Variants in MBD5 observed in about 807,000 individuals in gnomAD.
The protein encoded by MBD5 is methyl-CpG-binding domain protein 5.
A neutral mutation model predicts 117.3 loss-of-function variants in MBD5; 13 were observed. That is an observed-to-expected ratio of 0.11 (90% CI 0.07 to 0.18). The LOEUF (loss-of-function observed/expected upper bound fraction) is 0.18, where lower values mean the gene tolerates loss of function less well. MBD5 is among the 10% of genes least tolerant of loss of function. The pLI, the probability that MBD5 is intolerant of heterozygous loss-of-function variation, is 1.00. For synonymous variants in MBD5, 727 were observed against 766.4 expected (o/e 0.95, Z 0.85); for missense variants, 1,879 against 2,093.8 (o/e 0.90, Z 2.00).
chr2:148,107,990 A>G (rs928370229), intron 1 of MBD5, among the ~76,000 whole-genome samples: 9 of 152,170 alleles, frequency 5.9e-5, no homozygotes, highest in Non-Finnish European at 1.2e-4. Context: ...TTTGTGGATC[A>G]AATGAGTAGT....
chr2:148,417,451 T>G (rs1356170636), intron 4 of MBD5, among the ~76,000 whole-genome samples: 3 of 152,110 alleles, frequency 2.0e-5, no homozygotes, highest in Non-Finnish European at 4.4e-5. Flanking sequence ...TATAATGATT[T>G]ATTTTACTTT....
At chr2:148,441,867 T>C (rs1706335873) in intron 4 of MBD5, among the ~76,000 whole-genome samples, 3 of 152,096 alleles carry the variant, frequency 2.0e-5, no homozygotes, top group African/African-American at 7.2e-5. Flanking sequence ...TGATGATGAG[T>C]ATTTTTTCAT....
chr2:148,508,346 A>G (rs1384677866), intron 12 of MBD5, among the ~76,000 whole-genome samples: 8 of 152,212 alleles, frequency 5.3e-5, no homozygotes, highest in Non-Finnish European at 8.8e-5. Context: ...GATGGTATTT[A>G]AAACAGTTAT....
rs114161935 is a variant in MBD5 at position 148,439,778 on chromosome 2, C to T, written c.-556-18425C>T. Among the ~76,000 whole-genome samples, 821 of 145,882 alleles carry T rather than the reference C, an allele frequency of 5.6e-3. 8 individuals carry two copies. Among genetic ancestry groups the T allele is most frequent in the African/African-American group, 0.02 (795 of 39,020 alleles). On this transcript the variant is annotated intron_variant, in intron 4 of 13. Coordinates refer to ENST00000642680, the MANE Select transcript of MBD5 (RefSeq NM_001378120.1). ...TTTTAGAGATGCAGTTTAGCCCTGTCGCCCAACTGAAGTGCAGTGGTATGA... is the reference window on the plus strand; with the variant it reads ...TTTTAGAGATGCAGTTTAGCCCTGTTGCCCAACTGAAGTGCAGTGGTATGA...
rs1213218980 is a variant in MBD5 at position 148,152,292 on chromosome 2, G to C, written c.-924-26408G>C. On this transcript the variant is annotated intron_variant, in intron 1 of 13. Coordinates refer to ENST00000642680, the MANE Select transcript of MBD5 (RefSeq NM_001378120.1). ...TCCTGAGTTCTAGTTTGATTGCACT[G>C]TGGTCTGAGAGATAGTTTGTTATAA... Among the ~76,000 whole-genome samples the C allele has an allele frequency of 2.0e-5, 3 of 152,108 alleles. No individual in the cohort carries two copies. In the East Asian group the frequency reaches 5.8e-4, roughly 29 times the overall value.
At position 148,513,688 on chromosome 2, in the gene MBD5, TC is replaced by T. The variant is rs1387636296; in HGVS notation, c.*748del. The T allele has an allele frequency of 1.3e-5, 2 of 152,200 alleles. No individual in the cohort carries two copies. Among genetic ancestry groups the T allele is most frequent in the Non-Finnish European group, 2.9e-5 (2 of 68,034 alleles). 9.4% of individuals were successfully genotyped at this position (152,200 alleles called of 1,614,324 possible). On this transcript the variant is annotated 3_prime_UTR_variant, in exon 14 of 14. Transcript: ENST00000642680. ...GGGCTCACAGGTCTAAATTAAGAAT[TC>T]AGAAACTGCAACCATTTGTTGCATA...
At chr2:148,392,422 G>A (rs1704593770) in intron 4 of MBD5, among the ~76,000 whole-genome samples, 2 of 152,112 alleles carry the variant, frequency 1.3e-5, no homozygotes, top group South Asian at 4.1e-4. Context: ...ATGCCAAAAT[G>A]CTACCCTAGT....
intron 3 of MBD5, among the ~76,000 whole-genome samples, chr2:148,267,157 C>A (rs1700878136): frequency 6.6e-6 from 1 of 152,042 alleles, no homozygotes; most frequent in African/African-American, 2.4e-5. Context: ...CAGGCTTTGA[C>A]ATCTATCCGT....
intron 11 of MBD5, 105 bp downstream of exon 11, chr2:148,490,699 C>T: frequency 7.1e-7 from 1 of 1,401,704 alleles, no homozygotes; most frequent in Non-Finnish European, 9.9e-7. Context: ...AATTAGGATT[C>T]TTCATGACTC....
chr2:148,118,121 C>T (rs1324940084), intron 1 of MBD5, among the ~76,000 whole-genome samples: 2 of 151,774 alleles, frequency 1.3e-5, no homozygotes, highest in African/African-American at 2.4e-5. Flanking sequence ...CAGTGCCAAG[C>T]TCATAGTTGG....
intron 2 of MBD5, among the ~76,000 whole-genome samples, chr2:148,184,902 C>T (rs1185342546): frequency 1.3e-5 from 2 of 152,158 alleles, no homozygotes; most frequent in African/African-American, 4.8e-5. Flanking sequence ...ACCATCTCTC[C>T]GCTTCTCCCT....
chr2:148,148,134 A>G (rs970719051), intron 1 of MBD5, among the ~76,000 whole-genome samples: 9 of 152,250 alleles, frequency 5.9e-5, no homozygotes, highest in South Asian at 2.1e-4. Context: ...GTAGGTAGCA[A>G]TGGTTACATA....
chr2:148,172,140 G>T (rs547826867), intron 1 of MBD5, among the ~76,000 whole-genome samples: 1 of 152,328 alleles, frequency 6.6e-6, no homozygotes, highest in African/African-American at 2.4e-5. Flanking sequence ...CAGCTGCAGG[G>T]GGGGAGGTGC....
rs191896111 is a variant in MBD5 at position 148,516,179 on chromosome 2, A to G, written c.*3238A>G. On this transcript the variant is annotated 3_prime_UTR_variant, in exon 14 of 14. Coordinates refer to ENST00000642680, the MANE Select transcript of MBD5 (RefSeq NM_001378120.1). Reference sequence around the variant, plus strand: ...GAAGATTCTTATATCCTACGAGGTGACTCATGTTTCATTTTAGACCATGAT... The same window carrying G: ...GAAGATTCTTATATCCTACGAGGTGGCTCATGTTTCATTTTAGACCATGAT... The G allele has an allele frequency of 6.6e-6, 1 of 152,272 alleles. No homozygotes were observed. Among genetic ancestry groups the G allele is most frequent in the East Asian group, 1.9e-4 (1 of 5,186 alleles). The allele number at this position is 152,272 out of a possible 1,614,324, so 9.4% of individuals were successfully genotyped here. A position where few individuals can be genotyped will look rare whatever the true frequency, so the allele number is the denominator to read the frequency against.
At chr2:148,059,137 G>A (rs1177870676) in intron 1 of MBD5, among the ~76,000 whole-genome samples, 6 of 152,074 alleles carry the variant, frequency 3.9e-5, no homozygotes, top group Non-Finnish European at 5.9e-5. Context: ...TGTATAAATT[G>A]TTTATTGTGA....
intron 4 of MBD5, among the ~76,000 whole-genome samples, chr2:148,403,111 TA>T (rs1704972054): frequency 6.6e-6 from 1 of 152,166 alleles, no homozygotes; most frequent in Non-Finnish European, 1.5e-5. Context: ...TGGCTCTTTT[TA>T]AAAATAGCTT....
chr2:148,440,378 C>A (rs1048183178), intron 4 of MBD5, among the ~76,000 whole-genome samples: 6 of 152,148 alleles, frequency 3.9e-5, no homozygotes, highest in African/African-American at 1.4e-4. Flanking sequence ...GTGTGCCAGG[C>A]ACTTTTCTAG....
chr2:148,397,844 T>C (rs1333612445), intron 4 of MBD5, among the ~76,000 whole-genome samples: 1 of 145,792 alleles, frequency 6.9e-6, no homozygotes, highest in African/African-American at 2.6e-5. Flanking sequence ...GATGTTCCCC[T>C]TCCTGTGTCC....
chr2:148,026,085 G>A (rs770928899), intron 1 of MBD5: 14 of 152,138 alleles, frequency 9.2e-5, no homozygotes, highest in Non-Finnish European at 1.9e-4. Flanking sequence ...TGCCTCTGCT[G>A]GTGCAGTATC....
Sources: allele counts gnomAD v4.1 joint callset (sites outside exome capture counted in the v4.1 genomes callset), GRCh38; gene constraint gnomAD v4.1.1; transcripts MANE v1.5; gene names NCBI Gene and HGNC (gene_info 2026-07-23, HGNC 2026-07-21).